Variants in OR9K2 observed in about 807,000 individuals in gnomAD.
The protein encoded by OR9K2 is olfactory receptor family 9 subfamily K member 2, also known as olfactory receptor 9K2.
In OR9K2, 16 loss-of-function variants were observed where a neutral mutation model predicts 12.4. The observed-to-expected ratio is 1.29, with a 90% CI of 0.87 to 1.95. The LOEUF (loss-of-function observed/expected upper bound fraction) is 1.95, where lower values mean the gene tolerates loss of function less well. OR9K2 is among the 30% of genes most tolerant of loss of function. The probability of loss-of-function intolerance (pLI) is 0.00; values close to 1 mark genes in which losing one functional copy is unlikely to be tolerated. For missense variants in OR9K2, 434 were observed against 376.5 expected, an observed-to-expected ratio of 1.15 and a Z score of -1.26; for synonymous variants, 133 against 133.2, an observed-to-expected ratio of 1.00 and a Z score of 0.01.
Position 55,130,619 on chromosome 12 carries a change from A to C in OR9K2, c.785A>C (p.Tyr262Ser). 2 of 1,613,940 alleles carry C rather than the reference A, an allele frequency of 1.2e-6. No individual in the cohort carries two copies. The highest frequency in any genetic ancestry group is 2.7e-5 in the African/African-American group (2 of 75,004). The change falls in exon 3 of 3, where the codon TAT becomes TCT. Residue 262 changes from tyrosine (Y) to serine (S), a missense_variant. Coordinates refer to ENST00000641329, the MANE Select transcript of OR9K2 (RefSeq NM_001005243.2). The part of the protein sequence containing the change: ...SVLYGAVFFM[Y>S]LTPDRFPELS... ...CTGTATGGTGCTGTCTTTTTTATGT[A>C]TCTCACTCCTGACAGATTTCCTGAG... is the stretch of plus-strand genomic sequence containing the variant.
At chr12:55,129,700 C>T in intron 2 of OR9K2, 126 bp from the exon 3 acceptor site, 1 of 1,166,232 alleles carries the variant, frequency 8.6e-7, no homozygotes, top group Non-Finnish European at 1.2e-6. Context: ...ACTTATGAGG[C>T]AAAAATTAAT....
At chr12:55,129,558 T>C (rs778855553) in intron 2 of OR9K2, 22 of 538,956 alleles carry the variant, frequency 4.1e-5, no homozygotes, top group Middle Eastern at 4.8e-4. Context: ...CTTGGAAATG[T>C]GAAAGGCATT....
At chr12:55,126,680 A>G (rs1953430731) in intron 1 of OR9K2, 148 bp from the exon 2 acceptor site, 1 of 152,180 alleles carries the variant, frequency 6.6e-6, no homozygotes, top group Non-Finnish European at 1.5e-5. Flanking sequence ...AATGAGGCAC[A>G]TAAGCCACAT....
chr12:55,129,322 T>C (rs11171307), intron 2 of OR9K2, among the ~76,000 whole-genome samples: 48,975 of 148,558 alleles, frequency 0.33, 8,107 homozygotes, highest in Middle Eastern at 0.41. Context: ...CTCAAGTAGG[T>C]TTTTTTTTTT....
chr12:55,129,558 TGAAAGGCATTTGGGTA>T (rs1953453389), intron 2 of OR9K2: 1 of 538,838 alleles, frequency 1.9e-6, no homozygotes, highest in African/African-American at 1.9e-5. Flanking sequence ...CTTGGAAATG[TGAAAGGCATTTGGGTA>T]GAAAGGCATT....
In OR9K2 at chr12:55,126,836, C is replaced by A. The variant is rs1282258686; in HGVS notation, c.-85C>A. The stretch of plus-strand genomic sequence containing the variant: ...ATGTTTATCCTTTCTAGAATTAAAA[C>A]AATAAACAGAGGAAAACATTGGAAC... On this transcript the variant is annotated 5_prime_UTR_variant, in exon 2 of 3. Coordinates refer to ENST00000641329, the MANE Select transcript of OR9K2 (RefSeq NM_001005243.2). The A allele has an allele frequency of 6.6e-6, 1 of 151,942 alleles. No individual in the cohort carries two copies. Among genetic ancestry groups the A allele is most frequent in the Non-Finnish European group, 1.5e-5 (1 of 67,944 alleles). 9.4% of individuals were successfully genotyped at this position (151,942 alleles called of 1,614,324 possible). A position where few individuals can be genotyped will look rare whatever the true frequency, so the allele number is the denominator to read the frequency against.
rs557481799 is a variant in OR9K2 at position 55,130,432 on chromosome 12, A to G, written c.598A>G (p.Met200Val). ...TTGTTCTGATCTCTTTATCCATAGA[A>G]TGATATCTTTTTCCTTATCATGTAT... Reference protein sequence around the residue: ...LSCSDLFIHRMISFSLSCIII... With the variant: ...LSCSDLFIHRVISFSLSCIII... Residue 200 changes from methionine to valine, a missense_variant, in exon 3 of 3, where the codon ATG becomes GTG. Transcript: ENST00000641329. The G allele has an allele frequency of 1.9e-6, 3 of 1,613,860 alleles. No homozygotes were observed. In the South Asian group the frequency reaches 3.3e-5, roughly 18 times the overall value.
At chr12:55,127,979 A>G (rs1270993267) in intron 2 of OR9K2, among the ~76,000 whole-genome samples, 2 of 152,014 alleles carry the variant, frequency 1.3e-5, no homozygotes, top group East Asian at 3.9e-4. Flanking sequence ...TTAGAAAGTG[A>G]GAGAAGCAGA....
rs749054708 is a variant in OR9K2 at position 55,129,961 on chromosome 12, C to G, written c.127C>G (p.Leu43Val). The part of the protein sequence containing the change: ...LFLFVYAMIL[L>V]GNVGMMTIIM... The stretch of plus-strand genomic sequence containing the variant: ...TTTGTTTGTTTATGCCATGATCCTT[C>G]TAGGGAATGTTGGGATGATGACCAT... The change falls in exon 3 of 3, where the codon CTA (leucine) becomes GTA (valine). Residue 43 changes from leucine to valine, a missense_variant. Transcript: ENST00000641329. The G allele has an allele frequency of 1.2e-6, 2 of 1,613,956 alleles. No homozygotes were observed. The highest frequency in any genetic ancestry group is 2.2e-5 in the South Asian group (2 of 91,064).
intron 2 of OR9K2, among the ~76,000 whole-genome samples, chr12:55,127,302 A>G (rs1310914273): frequency 6.6e-6 from 1 of 151,754 alleles, no homozygotes; most frequent in Non-Finnish European, 1.5e-5. Flanking sequence ...TGTTGAAATG[A>G]GTTTGATAGA....
At position 55,132,223 on chromosome 12, in the gene OR9K2, T is replaced by C. The variant is rs1055078337; in HGVS notation, c.*1447T>C. 6.6e-6 allele frequency: 1 copy of C among 152,200 alleles called. No individual in the cohort carries two copies. Among genetic ancestry groups the C allele is most frequent in the Admixed American group, 6.5e-5 (1 of 15,272 alleles). The allele number at this position is 152,200 out of a possible 1,614,324, so 9.4% of individuals were successfully genotyped here. The stretch of plus-strand genomic sequence containing the variant: ...CACCTTTTCAATATTTTAATGGAAG[T>C]GCTAGCCAATGCAACAAAATGAGAA... On this transcript the variant is annotated 3_prime_UTR_variant, in exon 3 of 3. Transcript: ENST00000641329.
At position 55,126,866 on chromosome 12, in the gene OR9K2, CTGAT is replaced by C. The variant is rs1169811153; in HGVS notation, c.-49_-46del. The C allele has an allele frequency of 1.1e-4, 17 of 152,100 alleles. No homozygotes were observed. The highest frequency in any genetic ancestry group is 8.3e-4 in the South Asian group (4 of 4,820). The allele number at this position is 152,100 out of a possible 1,614,324, so 9.4% of individuals were successfully genotyped here. On this transcript the variant is annotated 5_prime_UTR_variant, in exon 2 of 3. Coordinates refer to ENST00000641329, the MANE Select transcript of OR9K2 (RefSeq NM_001005243.2). ...AACAGAGGAAAACATTGGAACTCTG[CTGAT>C]TGATTTTTACCAGAATCTGACCAGT...
rs368474784 is a variant in OR9K2, at chr12:55,130,451, C to T, written c.617C>T (p.Ser206Leu). ...CATAGAATGATATCTTTTTCCTTAT[C>T]ATGTATTATTATCTTGCCTACTATC... The part of the protein sequence containing the change: ...FIHRMISFSL[S>L]CIIILPTIIV... The change falls in exon 3 of 3, where the codon TCA becomes TTA. Residue 206 changes from serine to leucine, a missense_variant. Physicochemically the swap from Ser to Leu is moderately radical, Grantham distance 145. Coordinates refer to ENST00000641329, the MANE Select transcript of OR9K2 (RefSeq NM_001005243.2). The T allele has an allele frequency of 1.2e-6, 2 of 1,613,166 alleles. No individual in the cohort carries two copies. The highest frequency in any genetic ancestry group is 1.7e-6 in the Non-Finnish European group (2 of 1,179,496).
rs1953465882 is a variant in OR9K2 at position 55,130,582 on chromosome 12, G to A, written c.748G>A (p.Val250Ile). Residue 250 changes from valine to isoleucine, a missense_variant, in exon 3 of 3, where the codon GTT becomes ATT. By Grantham distance (29) the Val-to-Ile change is conservative. Transcript: ENST00000641329. ...CTCCACCTGCAGCTCTCACCTGGGAGTTGTGAGTGTGCTGTATGGTGCTGT... is the reference window on the plus strand; with the variant it reads ...CTCCACCTGCAGCTCTCACCTGGGAATTGTGAGTGTGCTGTATGGTGCTGT... Reference protein sequence around the residue: ...AFSTCSSHLGVVSVLYGAVFF... With the variant: ...AFSTCSSHLGIVSVLYGAVFF... The A allele has an allele frequency of 6.2e-7, 1 of 1,613,842 alleles. No individual in the cohort carries two copies. The highest frequency in any genetic ancestry group is 1.1e-5 in the South Asian group (1 of 91,070).
intron 2 of OR9K2, among the ~76,000 whole-genome samples, chr12:55,129,409 C>G (rs545688637): frequency 6.6e-6 from 1 of 151,970 alleles, no homozygotes; most frequent in Non-Finnish European, 1.5e-5. Context: ...ACTAAAACCC[C>G]AAATATCTCC....
At chr12:55,128,773 G>T (rs530669419) in intron 2 of OR9K2, among the ~76,000 whole-genome samples, 1 of 152,138 alleles carries the variant, frequency 6.6e-6, no homozygotes, top group Non-Finnish European at 1.5e-5. Context: ...GTTAATAATG[G>T]CTACAAAAGT....
In OR9K2 at chr12:55,130,980, G is replaced by A; in HGVS notation, c.*204G>A. The A allele has an allele frequency of 2.4e-6, 1 of 419,420 alleles. No individual in the cohort carries two copies. The highest frequency in any genetic ancestry group is 2.0e-5 in the African/African-American group (1 of 49,608). 26.0% of individuals were successfully genotyped at this position (419,420 alleles called of 1,614,324 possible). ...TATTGGAGATATCCTGGACATTAGA[G>A]AAGTATTTTCATGATAAACCCTCTC... On this transcript the variant is annotated 3_prime_UTR_variant, in exon 3 of 3. Transcript: ENST00000641329.
Position 55,130,436 on chromosome 12 carries a change from T to C in OR9K2, c.602T>C (p.Ile201Thr). The C allele has an allele frequency of 6.2e-7, 1 of 1,613,870 alleles. No homozygotes were observed. Among genetic ancestry groups the C allele is most frequent in the Non-Finnish European group, 8.5e-7 (1 of 1,179,880 alleles). The change falls in exon 3 of 3, where the codon ATA becomes ACA. Residue 201 changes from isoleucine to threonine, a missense_variant. Ile to Thr is a moderately conservative substitution (Grantham distance 89). Transcript: ENST00000641329. Reference protein sequence around the residue: ...SCSDLFIHRMISFSLSCIIIL... With the variant: ...SCSDLFIHRMTSFSLSCIIIL... Reference sequence around the variant, plus strand: ...TCTGATCTCTTTATCCATAGAATGATATCTTTTTCCTTATCATGTATTATT... The same window carrying C: ...TCTGATCTCTTTATCCATAGAATGACATCTTTTTCCTTATCATGTATTATT...
Position 55,130,437 on chromosome 12 carries a change from A to G in OR9K2, c.603A>G (p.Ile201Met). The change falls in exon 3 of 3, where the codon ATA becomes ATG. Residue 201 changes from isoleucine to methionine, a missense_variant. Physicochemically the swap from Ile to Met is conservative, Grantham distance 10. Transcript: ENST00000641329. ...CTGATCTCTTTATCCATAGAATGAT[A>G]TCTTTTTCCTTATCATGTATTATTA... ...SCSDLFIHRM[I>M]SFSLSCIIIL... is the part of the protein sequence containing the mutation. The G allele has an allele frequency of 1.9e-6, 3 of 1,613,786 alleles. No homozygotes were observed. The highest frequency in any genetic ancestry group is 2.5e-6 in the Non-Finnish European group (3 of 1,179,868).
Sources: allele counts gnomAD v4.1 joint callset (sites outside exome capture counted in the v4.1 genomes callset), GRCh38; gene constraint gnomAD v4.1.1; transcripts MANE v1.5; gene names NCBI Gene and HGNC (gene_info 2026-07-23, HGNC 2026-07-21).